Variants in RBFOX1 observed in about 807,000 individuals in gnomAD.
RBFOX1 encodes RNA binding fox-1 homolog 1.
Under a neutral mutation model 57.7 loss-of-function variants are expected in RBFOX1, and 8 were observed. The ratio of observed to expected loss-of-function variants is 0.14; its 90% CI spans 0.08 to 0.25. The LOEUF (loss-of-function observed/expected upper bound fraction) is 0.25. RBFOX1 is among the 10% of genes least tolerant of loss of function. RBFOX1 has a pLI of 1.00. For missense variants in RBFOX1, 611 were observed against 548.5 expected (o/e 1.11, Z -1.14); for synonymous variants, 326 against 222.4 (o/e 1.47, Z -4.15).
At chr16:5,532,644 A>C (rs2044533568) in intron 2 of RBFOX1, among the ~76,000 whole-genome samples, 1 of 152,224 alleles carries the variant, frequency 6.6e-6, no homozygotes, top group South Asian at 2.1e-4. Flanking sequence ...TTCTTTGCTG[A>C]AGATTCTAGC....
chr16:7,263,357 T>G (rs569855599), intron 4 of RBFOX1, among the ~76,000 whole-genome samples: 2 of 152,260 alleles, frequency 1.3e-5, no homozygotes, highest in South Asian at 4.1e-4. Context: ...AGAATTTCGA[T>G]GTTCTCAGGA....
intron 4 of RBFOX1, among the ~76,000 whole-genome samples, chr16:7,475,642 T>G (rs1035076049): frequency 7.9e-5 from 12 of 152,188 alleles, no homozygotes; most frequent in Admixed American, 1.3e-4. Flanking sequence ...GAGAGATAGC[T>G]AAGATCATGT....
intron 3 of RBFOX1, among the ~76,000 whole-genome samples, chr16:6,719,621 T>G (rs1399287366): frequency 1.3e-5 from 2 of 151,542 alleles, no homozygotes; most frequent in Non-Finnish European, 1.5e-5. Flanking sequence ...TTTTTTTTTG[T>G]ATTTTTAGTA....
At chr16:7,398,353 C>G (rs1017859840) in intron 4 of RBFOX1, among the ~76,000 whole-genome samples, 1 of 152,156 alleles carries the variant, frequency 6.6e-6, no homozygotes, top group South Asian at 2.1e-4. Context: ...GGACAGAGAA[C>G]TATCTCAGTG....
At chr16:6,867,385 AC>A (rs948555782) in intron 3 of RBFOX1, among the ~76,000 whole-genome samples, 1 of 151,818 alleles carries the variant, frequency 6.6e-6, no homozygotes, top group Admixed American at 6.6e-5. Flanking sequence ...ACCTTTATAA[AC>A]CAGAATTTTT....
In RBFOX1 at chr16:5,967,003, G is replaced by GT. The variant is rs1336816565; in HGVS notation, c.351+99668_351+99669insT. ...TCTTGCACTAAATCGGGGGGGGGGG[G>GT]GTCAATAAATGATAGCTCAGGTGCC... is the stretch of plus-strand genomic sequence containing the variant. On this transcript the variant is annotated intron_variant, in intron 4 of 19. Transcript: ENST00000641259. Among the ~76,000 whole-genome samples, 72 of 100,640 alleles carry GT rather than the reference G, an allele frequency of 7.2e-4. 1 individual carries two copies. The highest frequency in any genetic ancestry group is 2.0e-3 in the African/African-American group (60 of 29,790). 66.0% of individuals were successfully genotyped at this position (100,640 alleles called of 152,430 possible).
At chr16:6,430,100 C>T (rs1293533355) in intron 2 of RBFOX1, among the ~76,000 whole-genome samples, 1 of 151,384 alleles carries the variant, frequency 6.6e-6, no homozygotes, top group Non-Finnish European at 1.5e-5. Context: ...AAGAGCGAAA[C>T]TCCATCTCAA....
chr16:6,426,658 C>G (rs2093938012), intron 2 of RBFOX1, among the ~76,000 whole-genome samples: 2 of 152,182 alleles, frequency 1.3e-5, no homozygotes, highest in Admixed American at 1.3e-4. Context: ...TACTCCTTCT[C>G]ACAGGCACAC....
At chr16:7,157,716 T>C (rs908346800) in intron 4 of RBFOX1, among the ~76,000 whole-genome samples, 70 of 152,268 alleles carry the variant, frequency 4.6e-4, no homozygotes, top group African/African-American at 1.6e-3. Flanking sequence ...TCACCTCATT[T>C]TGTGGTCACT....
At chr16:6,671,381 G>C (rs565190455) in intron 3 of RBFOX1, among the ~76,000 whole-genome samples, 120 of 152,178 alleles carry the variant, frequency 7.9e-4, no homozygotes, top group African/African-American at 2.7e-3. Context: ...AAGATATTTT[G>C]ACCATGTCTA....
At chr16:5,764,796 C>CT (rs2053718710) in intron 3 of RBFOX1, among the ~76,000 whole-genome samples, 2 of 117,774 alleles carry the variant, frequency 1.7e-5, no homozygotes, top group Non-Finnish European at 3.6e-5. Flanking sequence ...TAACCATCAT[C>CT]ATTTTTTTTA....
chr16:6,393,098 G>A (rs1320743266), intron 2 of RBFOX1, among the ~76,000 whole-genome samples: 2 of 152,218 alleles, frequency 1.3e-5, no homozygotes, highest in Non-Finnish European at 2.9e-5. Flanking sequence ...TGAAATTTGT[G>A]TTTGGGAGGC....
intron 11 of RBFOX1, among the ~76,000 whole-genome samples, chr16:7,650,591 G>A (rs1442774062): frequency 6.6e-6 from 1 of 152,044 alleles, no homozygotes; most frequent in Non-Finnish European, 1.5e-5. Context: ...CCAAGCTTCT[G>A]TTTCATGTTA....
chr16:7,467,741 G>A (rs1265652450), intron 4 of RBFOX1, among the ~76,000 whole-genome samples: 1 of 152,182 alleles, frequency 6.6e-6, no homozygotes, highest in Admixed American at 6.5e-5. Context: ...ATCTTCCCAT[G>A]GTGCACATGC....
intron 3 of RBFOX1, among the ~76,000 whole-genome samples, chr16:5,762,852 C>A (rs762857316): frequency 6.6e-6 from 1 of 152,102 alleles, no homozygotes; most frequent in East Asian, 1.9e-4. Flanking sequence ...TGGCATATTG[C>A]ATGGCTTTGG....
intron 4 of RBFOX1, among the ~76,000 whole-genome samples, chr16:5,940,200 A>G (rs1198236125): frequency 1.3e-5 from 2 of 152,256 alleles, no homozygotes; most frequent in Non-Finnish European, 2.9e-5. Context: ...TAGAGTAACC[A>G]TTGAGAAACC....
intron 2 of RBFOX1, among the ~76,000 whole-genome samples, chr16:6,351,033 T>C (rs192315002): frequency 6.6e-6 from 1 of 152,276 alleles, no homozygotes; most frequent in East Asian, 1.9e-4. Flanking sequence ...TATGTCATCT[T>C]ATCCTTTCAG....
intron 1 of RBFOX1, among the ~76,000 whole-genome samples, chr16:5,379,499 T>C (rs2066076046): frequency 6.8e-6 from 1 of 147,208 alleles, no homozygotes; most frequent in South Asian, 2.1e-4. Flanking sequence ...CACCTTAGTC[T>C]AAACAAGCAC....
At chr16:5,929,559 G>T (rs116846370) in intron 4 of RBFOX1, among the ~76,000 whole-genome samples, 8 of 152,236 alleles carry the variant, frequency 5.3e-5, no homozygotes, top group African/African-American at 1.4e-4. Context: ...CAAGACAAAG[G>T]TTCCATGTTC....
Sources: gnomAD v4.1 joint callset for allele counts (sites outside exome capture counted in the v4.1 genomes callset) on GRCh38, gnomAD v4.1.1 for gene constraint, MANE v1.5 for transcripts, NCBI Gene and HGNC (gene_info 2026-07-23, HGNC 2026-07-21) for gene names.